Variants in NEGR1 observed in about 807,000 individuals in gnomAD.
NEGR1 encodes neuronal growth regulator 1, also known as IgLON family member 4.
NEGR1 carries 10 observed loss-of-function variants against 40.9 expected under a neutral mutation model. The observed-to-expected ratio is 0.24, with a 90% CI of 0.15 to 0.42. The LOEUF (loss-of-function observed/expected upper bound fraction) is 0.42, where lower values mean the gene tolerates loss of function less well. Ranked by LOEUF, NEGR1 falls within the 10% of genes least tolerant of loss-of-function variation. The pLI is 1.00. For synonymous variants in NEGR1, 185 were observed against 166.8 expected (o/e 1.11, Z -0.84); for missense variants, 352 against 438.9 (o/e 0.80, Z 1.77).
intron 4 of NEGR1, among the ~76,000 whole-genome samples, chr1:71,641,411 T>A (rs369494284): frequency 2.4e-4 from 37 of 151,986 alleles, no homozygotes; most frequent in African/African-American, 8.7e-4. Context: ...TATAAAAACA[T>A]TTTGTGTACA....
At position 71,700,243 on chromosome 1, in the gene NEGR1, A is replaced by ACCT. The variant is rs1340489988; in HGVS notation, c.536-2105_536-2104insAGG. On this transcript the variant is annotated intron_variant, in intron 3 of 6. Coordinates refer to ENST00000357731, the MANE Select transcript of NEGR1 (RefSeq NM_173808.3). ...TTAAACTTATGAGGTAAATTCCATT[A>ACCT]CATAGAATAAGATTATGATAGTTAA... 2.0e-5 allele frequency among the ~76,000 whole-genome samples: 3 copies of ACCT among 152,150 alleles called. No individual in the cohort carries two copies. The East Asian group carries it at 5.8e-4, about 29-fold the overall frequency.
chr1:71,420,578 G>A (rs1646387829), intron 6 of NEGR1, among the ~76,000 whole-genome samples: 1 of 151,978 alleles, frequency 6.6e-6, no homozygotes, highest in Non-Finnish European at 1.5e-5. Flanking sequence ...GAAATTTTGA[G>A]GGTATCTATT....
intron 1 of NEGR1, among the ~76,000 whole-genome samples, chr1:72,147,552 C>T (rs1054895054): frequency 2.6e-5 from 4 of 152,028 alleles, no homozygotes; most frequent in African/African-American, 9.7e-5. Flanking sequence ...CCTGGCCCCT[C>T]CAAATCTCAT....
At chr1:72,281,623 A>G (rs1656254835) in intron 1 of NEGR1, among the ~76,000 whole-genome samples, 1 of 152,066 alleles carries the variant, frequency 6.6e-6, no homozygotes, top group Non-Finnish European at 1.5e-5. Flanking sequence ...AAAAAAGGGT[A>G]AAAGAGAGGA....
intron 1 of NEGR1, among the ~76,000 whole-genome samples, chr1:72,102,351 T>C (rs1168225728): frequency 6.6e-6 from 1 of 152,036 alleles, no homozygotes; most frequent in Non-Finnish European, 1.5e-5. Flanking sequence ...TTTATAAGTG[T>C]GACCTTCAAC....
At chr1:71,979,938 G>A (rs998914579) in intron 1 of NEGR1, among the ~76,000 whole-genome samples, 6 of 152,126 alleles carry the variant, frequency 3.9e-5, no homozygotes, top group African/African-American at 1.2e-4. Flanking sequence ...CTGCCCAATA[G>A]TGGATAAAAC....
chr1:72,053,002 C>A (rs1647076341), intron 1 of NEGR1, among the ~76,000 whole-genome samples: 1 of 151,468 alleles, frequency 6.6e-6, no homozygotes, highest in Non-Finnish European at 1.5e-5. Context: ...TCCTACTACT[C>A]TCTGTTTCTA....
chr1:72,078,484 T>C (rs1390231122), intron 1 of NEGR1, among the ~76,000 whole-genome samples: 1 of 151,940 alleles, frequency 6.6e-6, no homozygotes, highest in Non-Finnish European at 1.5e-5. Flanking sequence ...TATGAATCTA[T>C]TTTTGCTGTT....
chr1:72,128,621 G>C (rs983523383), intron 1 of NEGR1, among the ~76,000 whole-genome samples: 3 of 152,038 alleles, frequency 2.0e-5, no homozygotes, highest in Non-Finnish European at 4.4e-5. Flanking sequence ...ATTTTACAAA[G>C]AGTCATAAAT....
intron 3 of NEGR1, among the ~76,000 whole-genome samples, chr1:71,759,595 G>GTTTTTTTTTT (rs1220949498): frequency 2.0e-5 from 1 of 50,662 alleles, no homozygotes; most frequent in African/African-American, 8.4e-5. Flanking sequence ...CTGCGTCCAG[G>GTTTTTTTTTT]CTTTTTTTTT....
chr1:71,822,837 A>C lies in NEGR1; in HGVS notation c.410-46540T>G, dbSNP rs570600345. ...TACAGCCAAAGAGGTACATGAATGG[A>C]CTTATGACTACAGGACCCACTAGTT... On this transcript the variant is annotated intron_variant, in intron 2 of 6. Coordinates refer to ENST00000357731, the MANE Select transcript of NEGR1 (RefSeq NM_173808.3). Among the ~76,000 whole-genome samples the C allele has an allele frequency of 5.0e-4, 76 of 152,114 alleles. 1 individual carries two copies. Among genetic ancestry groups the C allele is most frequent in the Admixed American group, 3.5e-3 (53 of 15,262 alleles).
intron 6 of NEGR1, among the ~76,000 whole-genome samples, chr1:71,477,682 A>G (rs1199995593): frequency 1.3e-5 from 2 of 152,082 alleles, no homozygotes; most frequent in Admixed American, 6.6e-5. Context: ...GGTGCTTTAA[A>G]GAAAGAGTGG....
chr1:72,174,692 A>G (rs1184982509), intron 1 of NEGR1, among the ~76,000 whole-genome samples: 2 of 152,132 alleles, frequency 1.3e-5, no homozygotes, highest in African/African-American at 4.8e-5. Flanking sequence ...CTTTCCAAAT[A>G]ATGTTATAAG....
chr1:71,431,531 C>G (rs1450454358), intron 6 of NEGR1, among the ~76,000 whole-genome samples: 1 of 26,272 alleles, frequency 3.8e-5, no homozygotes, highest in African/African-American at 6.2e-5. Context: ...TTTATTTATC[C>G]AATCATCCAT....
chr1:71,672,892 C>T (rs1020866402), intron 4 of NEGR1, among the ~76,000 whole-genome samples: 11 of 152,044 alleles, frequency 7.2e-5, no homozygotes, highest in South Asian at 2.1e-4. Context: ...AACGGCTTGG[C>T]GGGATGTTGA....
At chr1:72,090,355 CT>C (rs1406586519) in intron 1 of NEGR1, among the ~76,000 whole-genome samples, 1 of 129,866 alleles carries the variant, frequency 7.7e-6, no homozygotes, top group South Asian at 2.3e-4. Context: ...TAAAATAATT[CT>C]TTTTTTCTTA....
At chr1:71,788,752 A>G (rs17091758) in intron 2 of NEGR1, among the ~76,000 whole-genome samples, 12,277 of 151,804 alleles carry the variant, frequency 0.081, 663 homozygotes, top group African/African-American at 0.14. Context: ...AACAGTGGGG[A>G]AAGTCTAATT....
intron 1 of NEGR1, among the ~76,000 whole-genome samples, chr1:72,248,271 T>G (rs185079428): frequency 6.6e-6 from 1 of 152,294 alleles, no homozygotes; most frequent in Non-Finnish European, 1.5e-5. Flanking sequence ...TTTCATTTAT[T>G]TTTTGACATG....
chr1:71,930,144 T>A (rs1404117043), intron 2 of NEGR1, among the ~76,000 whole-genome samples: 1 of 151,844 alleles, frequency 6.6e-6, no homozygotes, highest in Admixed American at 6.6e-5. Flanking sequence ...CTTATTGAAT[T>A]TATTTTTAAA....
Sources: allele counts gnomAD v4.1 joint callset (sites outside exome capture counted in the v4.1 genomes callset), GRCh38; gene constraint gnomAD v4.1.1; transcripts MANE v1.5; gene names NCBI Gene and HGNC (gene_info 2026-07-23, HGNC 2026-07-21).